The following CNTNAP2 variants were observed in gnomAD, a reference collection of about 807,000 sequenced individuals.
CNTNAP2 encodes the protein contactin-associated protein-like 2.
In CNTNAP2, 98 loss-of-function variants were observed where a neutral mutation model predicts 155.2. That is an observed-to-expected ratio of 0.63 (90% CI 0.54 to 0.75). The LOEUF (loss-of-function observed/expected upper bound fraction) is 0.75. Among genes scored for constraint, CNTNAP2 ranks in the 30% least tolerant of loss-of-function variants. CNTNAP2 has a pLI of 0.00. For synonymous variants in CNTNAP2, 651 were observed against 631.2 expected (o/e 1.03, Z -0.47); for missense variants, 1,727 against 1,688.1 (o/e 1.02, Z -0.40).
chr7:146,755,712 G>C (rs1480124480), intron 1 of CNTNAP2, among the ~76,000 whole-genome samples: 1 of 151,958 alleles, frequency 6.6e-6, no homozygotes, highest in Non-Finnish European at 1.5e-5. Context: ...CACAGAGTCA[G>C]AAAGTGCATC....
At chr7:147,558,752 C>T (rs1036832796) in intron 11 of CNTNAP2, among the ~76,000 whole-genome samples, 1 of 143,726 alleles carries the variant, frequency 7.0e-6, no homozygotes, top group African/African-American at 2.6e-5. Context: ...TTTCTTCCTT[C>T]CTTTCTTTGA....
intron 8 of CNTNAP2, among the ~76,000 whole-genome samples, chr7:147,235,105 G>A (rs946294435): frequency 2.0e-5 from 3 of 152,146 alleles, no homozygotes; most frequent in Non-Finnish European, 4.4e-5. Flanking sequence ...CCAATCAGTT[G>A]AAGGCCTGAT....
chr7:148,152,864 CA>C (rs1368894926), intron 17 of CNTNAP2, among the ~76,000 whole-genome samples: 1 of 151,452 alleles, frequency 6.6e-6, no homozygotes, highest in East Asian at 1.9e-4. Context: ...ACTAAAAATA[CA>C]AAAAAATTAG....
chr7:147,832,558 A>AAATATATTTC (rs1466833340), intron 13 of CNTNAP2, among the ~76,000 whole-genome samples: 5 of 144,188 alleles, frequency 3.5e-5, no homozygotes, highest in East Asian at 3.9e-4. Context: ...TATTATATTG[A>AAATATATTTC]AATATATTAT....
intron 8 of CNTNAP2, among the ~76,000 whole-genome samples, chr7:147,231,409 T>C (rs1303563786): frequency 6.6e-6 from 1 of 152,238 alleles, no homozygotes; most frequent in African/African-American, 2.4e-5. Context: ...AGAGTAGATA[T>C]CTCTTTGACA....
At chr7:146,446,870 A>G (rs947668027) in intron 1 of CNTNAP2, among the ~76,000 whole-genome samples, 2 of 152,062 alleles carry the variant, frequency 1.3e-5, no homozygotes, top group African/African-American at 4.8e-5. Flanking sequence ...CTGACTATGG[A>G]AGTGGACTGC....
At chr7:146,906,430 T>A (rs1356018837) in intron 3 of CNTNAP2, among the ~76,000 whole-genome samples, 1 of 152,028 alleles carries the variant, frequency 6.6e-6, no homozygotes, top group African/African-American at 2.4e-5. Flanking sequence ...GAGCAGTGGT[T>A]CTCCCAGCAC....
At chr7:147,051,448 C>A (rs971205637) in intron 4 of CNTNAP2, among the ~76,000 whole-genome samples, 4 of 151,722 alleles carry the variant, frequency 2.6e-5, no homozygotes, top group Non-Finnish European at 5.9e-5. Flanking sequence ...GAATTTTTGG[C>A]AGAATAAATG....
At chr7:146,502,054 G>T (rs570295469) in intron 1 of CNTNAP2, among the ~76,000 whole-genome samples, 2 of 151,602 alleles carry the variant, frequency 1.3e-5, no homozygotes, top group Non-Finnish European at 2.9e-5. Context: ...CTAACTACAT[G>T]AAGTGAATAT....
chr7:147,225,126 T>G (rs1447404288), intron 8 of CNTNAP2, among the ~76,000 whole-genome samples: 1 of 152,168 alleles, frequency 6.6e-6, no homozygotes, highest in Non-Finnish European at 1.5e-5. Context: ...GTGTTTACCA[T>G]GTCCTAAGGC....
chr7:147,187,166 G>A (rs367997991), intron 8 of CNTNAP2, among the ~76,000 whole-genome samples: 4 of 152,262 alleles, frequency 2.6e-5, no homozygotes, highest in African/African-American at 7.2e-5. Flanking sequence ...CACTGCAGGA[G>A]CTCAGGTAGG....
rs114667649 is a variant in CNTNAP2, at chr7:147,213,492, G to A, written c.1348+80983G>A. 2.6e-3 allele frequency among the ~76,000 whole-genome samples: 394 copies of A among 151,942 alleles called. 1 individual carries two copies. Among genetic ancestry groups the A allele is most frequent in the African/African-American group, 9.0e-3 (371 of 41,450 alleles). ...GAAATCATGTTAGTATTATTGCAAA[G>A]ATATCCACAATGCATTTTTCTCACA... On this transcript the variant is annotated intron_variant, in intron 8 of 23. Coordinates refer to ENST00000361727, the MANE Select transcript of CNTNAP2 (RefSeq NM_014141.6).
At chr7:146,474,842 T>C (rs1167094131) in intron 1 of CNTNAP2, among the ~76,000 whole-genome samples, 3 of 152,212 alleles carry the variant, frequency 2.0e-5, no homozygotes, top group African/African-American at 4.8e-5. Flanking sequence ...CTCAATCTGA[T>C]GCTGCTTCTC....
intron 15 of CNTNAP2, among the ~76,000 whole-genome samples, chr7:148,053,012 A>G (rs1397300947): frequency 6.6e-6 from 1 of 152,190 alleles, no homozygotes; most frequent in South Asian, 2.1e-4. Flanking sequence ...ACGCCACTGC[A>G]CTCTAGGCTG....
intron 8 of CNTNAP2, among the ~76,000 whole-genome samples, chr7:147,280,005 G>C (rs1804993978): frequency 6.6e-6 from 1 of 151,882 alleles, no homozygotes; most frequent in Admixed American, 6.6e-5. Context: ...TACATGTAAA[G>C]TGATCTTACA....
intron 1 of CNTNAP2, among the ~76,000 whole-genome samples, chr7:146,602,503 A>AGATTGG (rs1200842788): frequency 6.6e-6 from 1 of 152,194 alleles, no homozygotes; most frequent in Non-Finnish European, 1.5e-5. Context: ...CCATTTCCAC[A>AGATTGG]AAGAATGTTT....
At chr7:147,155,358 T>C (rs1584760443) in intron 8 of CNTNAP2, among the ~76,000 whole-genome samples, 1 of 152,140 alleles carries the variant, frequency 6.6e-6, no homozygotes, top group African/African-American at 2.4e-5. Context: ...CTGTTGTTTA[T>C]AAGCCACCCA....
intron 1 of CNTNAP2, among the ~76,000 whole-genome samples, chr7:146,445,611 T>C (rs147267571): frequency 1.3e-5 from 2 of 152,168 alleles, no homozygotes; most frequent in Non-Finnish European, 2.9e-5. Context: ...GTGTATCTCT[T>C]TACAGTTTCT....
intron 1 of CNTNAP2, among the ~76,000 whole-genome samples, chr7:146,246,026 A>G (rs10282128): frequency 0.054 from 8,131 of 150,738 alleles, 723 homozygotes; most frequent in African/African-American, 0.19. Context: ...GACAGGTAAA[A>G]TGGGGGAATT....
Sources: gnomAD v4.1 joint callset for allele counts (sites outside exome capture counted in the v4.1 genomes callset) on GRCh38, gnomAD v4.1.1 for gene constraint, MANE v1.5 for transcripts, NCBI Gene and HGNC (gene_info 2026-07-23, HGNC 2026-07-21) for gene names.